The following PCCB variants were observed in gnomAD, a reference collection of about 807,000 sequenced individuals.
PCCB encodes the protein propionyl-CoA carboxylase beta chain, mitochondrial.
A neutral mutation model predicts 60.7 loss-of-function variants in PCCB; 43 were observed. The observed-to-expected ratio is 0.71, with a 90% CI of 0.55 to 0.91. The LOEUF (loss-of-function observed/expected upper bound fraction) is 0.91. Among genes scored for constraint, PCCB ranks in the 40% least tolerant of loss-of-function variants. PCCB has a pLI of 0.00. For synonymous variants in PCCB, 276 were observed against 255.9 expected, an observed-to-expected ratio of 1.08 and a Z score of -0.75; for missense variants, 766 against 702.8, an observed-to-expected ratio of 1.09 and a Z score of -1.02.
rs777323234 is a variant in PCCB at position 136,295,834 on chromosome 3, GT to G, written c.763+1986del. ...ATGGACATACTCTTATGTAACCTGA[GT>G]TTTTTTTTTTTTTTTACTTGACAGC... On this transcript the variant is annotated intron_variant, in intron 7 of 14. Transcript: ENST00000251654. Among the ~76,000 whole-genome samples the G allele has an allele frequency of 2.5e-3, 342 of 138,744 alleles. 1 individual carries two copies. The highest frequency in any genetic ancestry group is 2.7e-3 in the Admixed American group (38 of 13,902). 91.0% of individuals were successfully genotyped at this position (138,744 alleles called of 152,430 possible).
intron 10 of PCCB, among the ~76,000 whole-genome samples, chr3:136,318,365 G>A (rs1292833719): frequency 6.6e-6 from 1 of 152,004 alleles, no homozygotes; most frequent in Non-Finnish European, 1.5e-5. Context: ...ATGACAGAGT[G>A]ACACTGTCCC....
At chr3:136,313,226 C>A (rs757140671) in intron 9 of PCCB, among the ~76,000 whole-genome samples, 3 of 152,200 alleles carry the variant, frequency 2.0e-5, no homozygotes, top group Non-Finnish European at 4.4e-5. Context: ...CCTGAAGATA[C>A]ACTTCCCACC....
chr3:136,299,646 A>ATATGCATGTGTATGTATAGG (rs1439767020), intron 8 of PCCB, among the ~76,000 whole-genome samples: 1 of 108,656 alleles, frequency 9.2e-6, no homozygotes, highest in African/African-American at 3.9e-5. Flanking sequence ...GTATGTATGT[A>ATATGCATGTGTATGTATAGG]TATGCATGTG....
chr3:136,274,007 G>A (rs2108167943), intron 5 of PCCB, among the ~76,000 whole-genome samples: 1 of 150,874 alleles, frequency 6.6e-6, no homozygotes, highest in Non-Finnish European at 1.5e-5. Flanking sequence ...TTACCTTGAG[G>A]TTATATGAAT....
Position 136,301,166 on chromosome 3 carries a change from T to C in PCCB, c.966+55T>C, listed in dbSNP as rs1410112094. On this transcript the variant is annotated intron_variant, in intron 9 of 14. Transcript: ENST00000251654. The stretch of plus-strand genomic sequence containing the variant: ...TCCTAGTCAGCCACATTCATGGGCA[T>C]TGTGCTTCGGCTTAGTGAGGAAGCA... 3.5e-6 allele frequency: 5 copies of C among 1,411,290 alleles called. No individual in the cohort carries two copies. In the African/African-American group the frequency reaches 7.1e-5, roughly 20 times the overall value. 87.4% of individuals were successfully genotyped at this position (1,411,290 alleles called of 1,614,324 possible).
At chr3:136,266,996 C>T (rs1942001605) in intron 5 of PCCB, among the ~76,000 whole-genome samples, 2 of 152,154 alleles carry the variant, frequency 1.3e-5, no homozygotes, top group South Asian at 4.1e-4. Flanking sequence ...GATTCTCGTG[C>T]CTCAGTCACC....
At chr3:136,297,429 C>T (rs527615009) in intron 7 of PCCB, among the ~76,000 whole-genome samples, 101 of 152,254 alleles carry the variant, frequency 6.6e-4, no homozygotes, top group African/African-American at 2.4e-3. Context: ...GAGTGCTCTT[C>T]AAGAATTATG....
chr3:136,280,828 A>G (rs1942456895), intron 5 of PCCB, among the ~76,000 whole-genome samples: 1 of 152,148 alleles, frequency 6.6e-6, no homozygotes, highest in Non-Finnish European at 1.5e-5. Context: ...AACCAAAAAA[A>G]CTTTCTGTAG....
At position 136,305,461 on chromosome 3, in the gene PCCB, T is replaced by A. The variant is rs1166297166; in HGVS notation, c.966+4350T>A. 2.5e-5 allele frequency among the ~76,000 whole-genome samples: 3 copies of A among 121,086 alleles called. 1 individual carries two copies. Among genetic ancestry groups the A allele is most frequent in the African/African-American group, 7.5e-5 (3 of 39,852 alleles). The allele number at this position is 121,086 out of a possible 152,430, so 79.4% of individuals were successfully genotyped here. A position where few individuals can be genotyped will look rare whatever the true frequency, so the allele number is the denominator to read the frequency against. On this transcript the variant is annotated intron_variant, in intron 9 of 14. Transcript: ENST00000251654. Reference sequence around the variant, plus strand: ...TTTTATTTTGCTTTTTAAAAAAACTTCTTCTGGCCGGGCGTGGTGGCTCAT... The same window carrying A: ...TTTTATTTTGCTTTTTAAAAAAACTACTTCTGGCCGGGCGTGGTGGCTCAT...
intron 6 of PCCB, among the ~76,000 whole-genome samples, chr3:136,288,337 GTTTTTTATTATTT>G (rs1298843030): frequency 6.6e-6 from 1 of 151,852 alleles, no homozygotes; most frequent in Non-Finnish European, 1.5e-5. Flanking sequence ...TTCTTAAAAT[GTTTTTTATTATTT>G]TTTTTTATTT....
intron 2 of PCCB, 41 bp downstream of exon 2, chr3:136,256,016 G>A: frequency 6.2e-7 from 1 of 1,613,760 alleles, no homozygotes; most frequent in African/African-American, 1.3e-5. Context: ...TTTAGGTGTG[G>A]CTCAGCTGGC....
At chr3:136,293,951 ATTAC>A in intron 7 of PCCB, 87 bp downstream of exon 7, 4 of 803,390 alleles carry the variant, frequency 5.0e-6, no homozygotes, top group Non-Finnish European at 6.6e-6. Flanking sequence ...TTTAAGAAAT[ATTAC>A]TTAATTGGCA....
At chr3:136,257,558 A>C (rs896424428) in intron 3 of PCCB, among the ~76,000 whole-genome samples, 6 of 152,132 alleles carry the variant, frequency 3.9e-5, no homozygotes, top group Non-Finnish European at 7.4e-5. Flanking sequence ...GTTGTGTACT[A>C]TTTTGGATTT....
At chr3:136,298,158 G>A (rs1197026101) in intron 8 of PCCB, 86 bp downstream of exon 8, 3 of 1,558,392 alleles carry the variant, frequency 1.9e-6, no homozygotes, top group Non-Finnish European at 2.6e-6. Flanking sequence ...GGTCTGCCTT[G>A]TTGGGCAAGT....
intron 14 of PCCB, among the ~76,000 whole-genome samples, chr3:136,329,298 G>A (rs868488639): frequency 6.6e-5 from 10 of 152,118 alleles, no homozygotes; most frequent in Admixed American, 6.5e-5. Flanking sequence ...CCAAAATGGC[G>A]TCACTTACTT....
chr3:136,276,736 C>T (rs1441146460), intron 5 of PCCB, among the ~76,000 whole-genome samples: 1 of 152,192 alleles, frequency 6.6e-6, no homozygotes, highest in Non-Finnish European at 1.5e-5. Context: ...GATACCTTCT[C>T]CAGGACCCTT....
In PCCB at chr3:136,250,559, G is replaced by A. The variant is rs398123460; in HGVS notation, c.183+1G>A. The A allele has an allele frequency of 6.2e-7, 1 of 1,611,484 alleles. No homozygotes were observed. Among genetic ancestry groups the A allele is most frequent in the African/African-American group, 1.3e-5 (1 of 75,042 alleles). ...CCGTATTGACGCGCAGCACAAGCGAGTGAGTCCTGAGGGGCCTAAGTGAGT... is the reference window on the plus strand; with the variant it reads ...CCGTATTGACGCGCAGCACAAGCGAATGAGTCCTGAGGGGCCTAAGTGAGT... On this transcript the variant is annotated splice_donor_variant, in intron 1 of 14. Coordinates refer to ENST00000251654, the MANE Select transcript of PCCB (RefSeq NM_000532.5). LOFTEE classifies it high-confidence loss of function.
rs886058021 is a variant in PCCB, at chr3:136,330,150, TATTAA to T, written c.*128_*132del. On this transcript the variant is annotated 3_prime_UTR_variant, in exon 15 of 15. Coordinates refer to ENST00000251654, the MANE Select transcript of PCCB (RefSeq NM_000532.5). Reference sequence around the variant, plus strand: ...TTGGATAACTTAGAATAACTAAGTTTATTAAATTCTAGAAAGATCTCTTTTGTGCC... The same window carrying T: ...TTGGATAACTTAGAATAACTAAGTTTATTCTAGAAAGATCTCTTTTGTGCC... The T allele has an allele frequency of 1.4e-4, 219 of 1,539,804 alleles. No homozygotes were observed. In the African/African-American group the frequency reaches 1.8e-3, roughly 12 times the overall value.
intron 6 of PCCB, among the ~76,000 whole-genome samples, chr3:136,293,237 A>T (rs1933780026): frequency 1.3e-5 from 2 of 152,200 alleles, no homozygotes; most frequent in African/African-American, 4.8e-5. Context: ...TCCTGGCCTG[A>T]AGTGATCCTC....
Sources: gnomAD v4.1 joint callset for allele counts (sites outside exome capture counted in the v4.1 genomes callset) on GRCh38, gnomAD v4.1.1 for gene constraint, MANE v1.5 for transcripts, NCBI Gene and HGNC (gene_info 2026-07-23, HGNC 2026-07-21) for gene names.